GTF3C1: variants seen among roughly 807,000 people sequenced by gnomAD.
GTF3C1 encodes general transcription factor 3C polypeptide 1.
In GTF3C1, 57 loss-of-function variants were observed where a neutral mutation model predicts 226.7. That is an observed-to-expected ratio of 0.25 (90% CI 0.20 to 0.31). The LOEUF (loss-of-function observed/expected upper bound fraction) is 0.31, where lower values mean the gene tolerates loss of function less well. Ranked by LOEUF, GTF3C1 falls within the 10% of genes least tolerant of loss-of-function variation. The pLI, the probability that GTF3C1 is intolerant of heterozygous loss-of-function variation, is 1.00. For missense variants in GTF3C1, 2,217 were observed against 2,776.1 expected, an observed-to-expected ratio of 0.80 and a Z score of 4.53; for synonymous variants, 1,090 against 1,084.8, an observed-to-expected ratio of 1.00 and a Z score of -0.09.
At chr16:27,544,201 C>A (rs2089131196) in intron 2 of GTF3C1, among the ~76,000 whole-genome samples, 1 of 151,846 alleles carries the variant, frequency 6.6e-6, no homozygotes, top group Non-Finnish European at 1.5e-5. Flanking sequence ...CCAGCCTGAG[C>A]AACATGGCAA....
At chr16:27,518,725 C>G (rs2088700484) in intron 6 of GTF3C1, among the ~76,000 whole-genome samples, 1 of 152,164 alleles carries the variant, frequency 6.6e-6, no homozygotes, top group South Asian at 2.1e-4. Flanking sequence ...GTGAGAGAGG[C>G]CGTCGGGCAG....
In GTF3C1 at chr16:27,508,521, G is replaced by A. The variant is rs374650757; in HGVS notation, c.1242+19C>T. 71 of 1,549,802 alleles carry A rather than the reference G, an allele frequency of 4.6e-5. 1 individual carries two copies. The Middle Eastern group carries it at 8.3e-4, about 18-fold the overall frequency. ...ACCTCCAAAGACAACGAGTGTTGGG[G>A]GAAGGCTCATGATGTTACCTTGACA... On this transcript the variant is annotated intron_variant, in intron 8 of 36. Coordinates refer to ENST00000356183, the MANE Select transcript of GTF3C1 (RefSeq NM_001520.4).
rs771802785 is a variant in GTF3C1, at chr16:27,488,338, C to A, written c.3589G>T (p.Val1197Leu). ...LCAGWEEQFE[V>L]DREPSLDRNR... ...CGGTCCAGCGAGGGCTCTCGGTCCA[C>A]CTCAAACTGCTCTTCCCAGCCAGCA... The change falls in exon 23 of 37, where the codon GTG becomes TTG. Residue 1197 changes from valine to leucine, a missense_variant. Transcript: ENST00000356183. 3.7e-6 allele frequency: 6 copies of A among 1,613,970 alleles called. No homozygotes were observed. Among genetic ancestry groups the A allele is most frequent in the Non-Finnish European group, 5.1e-6 (6 of 1,179,900 alleles).
In GTF3C1 at chr16:27,545,377, A is replaced by G; in HGVS notation, c.368T>C (p.Ile123Thr). 1 of 1,613,994 alleles carries G rather than the reference A, an allele frequency of 6.2e-7. No homozygotes were observed. Among genetic ancestry groups the G allele is most frequent in the Non-Finnish European group, 8.5e-7 (1 of 1,179,836 alleles). ...SCRYFKERKN[I>T]TNDIRTKSLQ... ...GGACTTGGTTCTGATGTCATTGGTA[A>G]TGTTTTTCCTCTCCTTAAAGTAGCG... is the stretch of plus-strand genomic sequence containing the variant. The change falls in exon 2 of 37, where the codon ATT becomes ACT. Residue 123 changes from isoleucine (I) to threonine (T), a missense_variant. Transcript: ENST00000356183.
chr16:27,516,491 A>C (rs232080), intron 6 of GTF3C1, among the ~76,000 whole-genome samples: 128,410 of 152,244 alleles, frequency 0.84, 55,231 homozygotes, highest in African/African-American at 0.96. Context: ...TAGCTGATTT[A>C]TCTGCTGTGA....
chr16:27,472,839 T>C (rs2087896086), intron 29 of GTF3C1, among the ~76,000 whole-genome samples: 1 of 152,232 alleles, frequency 6.6e-6, no homozygotes, highest in African/African-American at 2.4e-5. Flanking sequence ...TATTATCCTG[T>C]TTTATTTTCT....
chr16:27,545,168 C>T (rs771839714), intron 2 of GTF3C1, 146 bp downstream of exon 2: 79 of 658,194 alleles, frequency 1.2e-4, no homozygotes, highest in Non-Finnish European at 2.0e-4. Flanking sequence ...GTAGAAACAG[C>T]GTTTTGCCAT....
intron 29 of GTF3C1, among the ~76,000 whole-genome samples, chr16:27,474,624 A>G (rs1317274863): frequency 3.9e-5 from 6 of 152,258 alleles, no homozygotes; most frequent in Admixed American, 6.5e-5. Flanking sequence ...CGTGAGACCA[A>G]TAAAATACGG....
intron 2 of GTF3C1, among the ~76,000 whole-genome samples, chr16:27,539,285 A>G (rs866721016): frequency 6.6e-6 from 1 of 152,170 alleles, no homozygotes; most frequent in South Asian, 2.1e-4. Context: ...CCTTCAAATC[A>G]TTAGTTCCTT....
chr16:27,481,017 A>G (rs577243778), intron 27 of GTF3C1, 62 bp downstream of exon 27: 5 of 1,362,608 alleles, frequency 3.7e-6, no homozygotes, highest in East Asian at 2.3e-5. Flanking sequence ...TAAGGGAGAC[A>G]GGGCTGGCCT....
intron 23 of GTF3C1, among the ~76,000 whole-genome samples, chr16:27,486,802 C>T (rs1005250930): frequency 6.6e-6 from 1 of 152,256 alleles, no homozygotes; most frequent in Non-Finnish European, 1.5e-5. Flanking sequence ...GTGCCTAGCA[C>T]TGGTTTATGC....
At chr16:27,488,455 G>T in intron 22 of GTF3C1, 40 bp from the exon 23 acceptor site, 1 of 1,565,178 alleles carries the variant, frequency 6.4e-7, no homozygotes, top group Non-Finnish European at 8.8e-7. Flanking sequence ...CAGGACGAGT[G>T]CTGCAAAGGC....
rs951648696 is a variant in GTF3C1, at chr16:27,470,723, G to A, written c.4527-328C>T. On this transcript the variant is annotated intron_variant, in intron 30 of 36. Transcript: ENST00000356183. The surrounding 1 kb of genome is among the most constrained non-coding windows in gnomAD (Gnocchi z 4.9). ...TGTACACAGCTGCTGAACTAGGGAT[G>A]GTGAACACGCTTTCTGTAATAATAG... 1 of 318,556 alleles carries A rather than the reference G, an allele frequency of 3.1e-6. No homozygotes were observed. Among genetic ancestry groups the A allele is most frequent in the Non-Finnish European group, 5.9e-6 (1 of 170,078 alleles). 19.7% of individuals were successfully genotyped at this position (318,556 alleles called of 1,614,324 possible). A position where few individuals can be genotyped will look rare whatever the true frequency, so the allele number is the denominator to read the frequency against.
Position 27,492,061 on chromosome 16 carries a change from C to T in GTF3C1, c.3151+277G>A, listed in dbSNP as rs2088240807. ...ACTGTCAGGCACAGGAAGTGACACA[C>T]AGCCGGTGTGTTTAATAAATACCTA... On this transcript the variant is annotated intron_variant, in intron 19 of 36. Coordinates refer to ENST00000356183, the MANE Select transcript of GTF3C1 (RefSeq NM_001520.4). This position sits in a 1 kb window ranked among gnomAD's most constrained non-coding sequence, Gnocchi z 5.0. 6.6e-6 allele frequency among the ~76,000 whole-genome samples: 1 copy of T among 152,186 alleles called. No homozygotes were observed. Among genetic ancestry groups the T allele is most frequent in the Non-Finnish European group, 1.5e-5 (1 of 68,030 alleles).
At chr16:27,528,248 C>T (rs1239702813) in intron 6 of GTF3C1, among the ~76,000 whole-genome samples, 5 of 151,508 alleles carry the variant, frequency 3.3e-5, no homozygotes, top group South Asian at 2.1e-4. Context: ...GCACTATGGG[C>T]GACAAAAGCG....
At chr16:27,493,931 C>CT (rs35214542) in intron 16 of GTF3C1, among the ~76,000 whole-genome samples, 15 of 148,234 alleles carry the variant, frequency 1.0e-4, no homozygotes, top group South Asian at 2.1e-4. Flanking sequence ...TTCAATTCAG[C>CT]TTTTTTTTTT....
intron 23 of GTF3C1, among the ~76,000 whole-genome samples, chr16:27,486,653 A>G (rs2088144465): frequency 6.6e-6 from 1 of 152,168 alleles, no homozygotes; most frequent in South Asian, 2.1e-4. Context: ...AGAGGGTGGA[A>G]GGAGACTGCA....
rs370058875 is a variant in GTF3C1, at chr16:27,545,579, C to T, written c.222-56G>A. 18 of 1,018,840 alleles carry T rather than the reference C, an allele frequency of 1.8e-5. No homozygotes were observed. In the African/African-American group the frequency reaches 2.8e-4, roughly 16 times the overall value. 63.1% of individuals were successfully genotyped at this position (1,018,840 alleles called of 1,614,324 possible). On this transcript the variant is annotated intron_variant, in intron 1 of 36. Coordinates refer to ENST00000356183, the MANE Select transcript of GTF3C1 (RefSeq NM_001520.4). ...AACTCAGCTTCAGATATAATGTGTGCTTGGCTGTGTTCTTTTGACAACCTC... is the reference window on the plus strand; with the variant it reads ...AACTCAGCTTCAGATATAATGTGTGTTTGGCTGTGTTCTTTTGACAACCTC...
chr16:27,493,478 C>T (rs2088263952), intron 16 of GTF3C1, among the ~76,000 whole-genome samples, 182 bp from the exon 17 acceptor site: 1 of 152,256 alleles, frequency 6.6e-6, no homozygotes, highest in Admixed American at 6.5e-5. Flanking sequence ...CCCTCCCCTC[C>T]AGCCCATCTA....
Sources: allele counts gnomAD v4.1 joint callset (sites outside exome capture counted in the v4.1 genomes callset), GRCh38; gene constraint gnomAD v4.1.1; non-coding constraint Gnocchi (gnomAD v3.1); transcripts MANE v1.5; gene names NCBI Gene and HGNC (gene_info 2026-07-23, HGNC 2026-07-21).